PALM2AKAP2: variants seen among roughly 807,000 people sequenced by gnomAD.
PALM2AKAP2 encodes PALM2 and AKAP2 fusion.
PALM2AKAP2 carries 37 observed loss-of-function variants against 71.5 expected under a neutral mutation model. The observed-to-expected ratio is 0.52, with a 90% CI of 0.40 to 0.68. The LOEUF (loss-of-function observed/expected upper bound fraction) is 0.68, where lower values mean the gene tolerates loss of function less well. Among genes scored for constraint, PALM2AKAP2 ranks in the 30% least tolerant of loss-of-function variants. The probability of loss-of-function intolerance (pLI) is 0.00; values close to 1 mark genes in which losing one functional copy is unlikely to be tolerated. For synonymous variants in PALM2AKAP2, 468 were observed against 478.8 expected, an observed-to-expected ratio of 0.98 and a Z score of 0.29; for missense variants, 1,224 against 1,191.8, an observed-to-expected ratio of 1.03 and a Z score of -0.40.
chr9:109,910,991 A>G (rs1309878909), intron 3 of PALM2AKAP2, among the ~76,000 whole-genome samples: 1 of 152,180 alleles, frequency 6.6e-6, no homozygotes, highest in Non-Finnish European at 1.5e-5. Flanking sequence ...AGCAGGAAGG[A>G]GGCATCTTGG....
intron 6 of PALM2AKAP2, among the ~76,000 whole-genome samples, chr9:109,936,686 C>T (rs969191848): frequency 6.6e-6 from 1 of 152,168 alleles, no homozygotes; most frequent in African/African-American, 2.4e-5. Context: ...GACTCGTGAA[C>T]CACGCAGGGT....
At chr9:110,108,839 A>C (rs1835175083) in intron 1 of PALM2AKAP2, among the ~76,000 whole-genome samples, 1 of 152,076 alleles carries the variant, frequency 6.6e-6, no homozygotes, top group Admixed American at 6.6e-5. Context: ...CCTGCATTTA[A>C]AAAAAAATTT....
chr9:109,734,259 T>G (rs1828597112), intron 1 of PALM2AKAP2, among the ~76,000 whole-genome samples: 1 of 152,144 alleles, frequency 6.6e-6, no homozygotes, highest in Non-Finnish European at 1.5e-5. Flanking sequence ...TTTTTTAAGC[T>G]ATCCTGAGGA....
chr9:109,890,153 G>A (rs1302744926), intron 3 of PALM2AKAP2, among the ~76,000 whole-genome samples: 3 of 152,188 alleles, frequency 2.0e-5, no homozygotes, highest in Non-Finnish European at 4.4e-5. Context: ...CATGAATTAT[G>A]CATTTTGAAG....
chr9:109,896,613 C>G (rs559070311), intron 3 of PALM2AKAP2, among the ~76,000 whole-genome samples: 4 of 152,176 alleles, frequency 2.6e-5, no homozygotes, highest in African/African-American at 9.6e-5. Flanking sequence ...GAGTTCAAGA[C>G]CAGCCTGGGC....
chr9:109,838,531 G>A (rs929190499), intron 1 of PALM2AKAP2, among the ~76,000 whole-genome samples: 1 of 152,170 alleles, frequency 6.6e-6, no homozygotes, highest in Non-Finnish European at 1.5e-5. Context: ...TAAGATCAGA[G>A]CAGAACTGAA....
intron 1 of PALM2AKAP2, among the ~76,000 whole-genome samples, chr9:109,823,069 C>T (rs1210996018): frequency 2.6e-5 from 4 of 152,208 alleles, no homozygotes; most frequent in Non-Finnish European, 5.9e-5. Context: ...AGCCCAGCCA[C>T]ATCAGAGAGA....
At chr9:110,045,621 G>A (rs1313651142), upstream of PALM2AKAP2, among the ~76,000 whole-genome samples, 2 of 151,958 alleles carry the variant, frequency 1.3e-5, no homozygotes, top group Admixed American at 6.6e-5. Flanking sequence ...AGGCTGGAGT[G>A]CAGTGGTGCA....
At chr9:110,066,865 C>T (rs1338125476) in intron 1 of PALM2AKAP2, among the ~76,000 whole-genome samples, 1 of 152,022 alleles carries the variant, frequency 6.6e-6, no homozygotes, top group African/African-American at 2.4e-5. Flanking sequence ...TATCTGTTTG[C>T]TGCAGTTTTT....
intron 6 of PALM2AKAP2, among the ~76,000 whole-genome samples, chr9:109,991,862 G>A (rs1222022550): frequency 1.3e-5 from 2 of 152,148 alleles, no homozygotes; most frequent in Non-Finnish European, 2.9e-5. Context: ...GTTTTGTAGA[G>A]GAAGAATAGA....
At chr9:109,890,213 G>C (rs1830055712) in intron 3 of PALM2AKAP2, among the ~76,000 whole-genome samples, 1 of 152,210 alleles carries the variant, frequency 6.6e-6, no homozygotes, top group South Asian at 2.1e-4. Flanking sequence ...CTCCAGCATG[G>C]AGGTCTTATT....
At chr9:109,921,033 C>G (rs1270751538) in intron 3 of PALM2AKAP2, among the ~76,000 whole-genome samples, 1 of 152,128 alleles carries the variant, frequency 6.6e-6, no homozygotes, top group African/African-American at 2.4e-5. Context: ...ACATCTGGAC[C>G]AGCAAAGAAG....
intron 3 of PALM2AKAP2, among the ~76,000 whole-genome samples, chr9:109,911,496 G>T (rs1200248902): frequency 6.6e-6 from 1 of 152,130 alleles, no homozygotes; most frequent in Non-Finnish European, 1.5e-5. Context: ...TTGTATTTGG[G>T]CTTCAATATG....
At position 109,844,492 on chromosome 9, in the gene PALM2AKAP2, A is replaced by G. The variant is rs115420776; in HGVS notation, c.46-22999A>G. On this transcript the variant is annotated intron_variant, in intron 1 of 9. Transcript: ENST00000302798. ...AGTATTGTATCAATGTTAATTTCTT[A>G]GTTTTGACAAATGCATCCTGGTTAT... Among the ~76,000 whole-genome samples the G allele has an allele frequency of 6.7e-3, 1,018 of 152,350 alleles. 15 individuals are homozygous for G. Among genetic ancestry groups the G allele is most frequent in the African/African-American group, 0.023 (963 of 41,582 alleles).
At chr9:109,835,143 A>G (rs930051209) in intron 1 of PALM2AKAP2, among the ~76,000 whole-genome samples, 1 of 151,478 alleles carries the variant, frequency 6.6e-6, no homozygotes, top group African/African-American at 2.4e-5. Flanking sequence ...GGGGACCCAC[A>G]CTGGCAGAGG....
chr9:109,654,034 A>G (rs1320335724), intron 1 of PALM2AKAP2, among the ~76,000 whole-genome samples: 3 of 152,194 alleles, frequency 2.0e-5, no homozygotes, highest in Non-Finnish European at 2.9e-5. Context: ...AGATAGATAA[A>G]TGCAATCTTA....
intron 6 of PALM2AKAP2, among the ~76,000 whole-genome samples, chr9:109,962,969 G>A (rs1831879914): frequency 6.6e-6 from 1 of 152,142 alleles, no homozygotes; most frequent in Non-Finnish European, 1.5e-5. Context: ...AAGGTTAATG[G>A]AAATATCCCA....
rs2132064202 is a variant in PALM2AKAP2 at position 109,947,554 on chromosome 9, A to G, written c.496+15526A>G. ...GTCATAGAGACAAAATCTAACTACT[A>G]TACCAGGTCTTCCTTTGTAAGAAAT... On this transcript the variant is annotated intron_variant, in intron 6 of 9. Coordinates refer to the PALM2AKAP2 transcript ENST00000302798. Among the ~76,000 whole-genome samples, 2 of 152,332 alleles carry G rather than the reference A, an allele frequency of 1.3e-5. 1 individual carries two copies. The highest frequency in any genetic ancestry group is 4.1e-4 in the South Asian group (2 of 4,828).
intron 6 of PALM2AKAP2, 45 bp from the exon 7 acceptor site, chr9:110,015,909 A>AT: frequency 6.5e-7 from 1 of 1,537,092 alleles, no homozygotes; most frequent in Non-Finnish European, 9.0e-7. Flanking sequence ...TATCCATGTC[A>AT]GCTGAATGAC....
Sources: gnomAD v4.1 joint callset for allele counts (sites outside exome capture counted in the v4.1 genomes callset) on GRCh38, gnomAD v4.1.1 for gene constraint, MANE v1.5 for transcripts, NCBI Gene and HGNC (gene_info 2026-07-23, HGNC 2026-07-21) for gene names.